TGFBR1: variants seen among roughly 807,000 people sequenced by gnomAD.
TGFBR1 encodes transforming growth factor beta receptor 1, also known as TGF-beta receptor type-1.
A neutral mutation model predicts 55.1 loss-of-function variants in TGFBR1; 20 were observed. The observed-to-expected ratio is 0.36, with a 90% CI of 0.26 to 0.53. The LOEUF (loss-of-function observed/expected upper bound fraction) is 0.53, where lower values mean the gene tolerates loss of function less well. Among genes scored for constraint, TGFBR1 ranks in the 20% least tolerant of loss-of-function variants. The pLI, the probability that TGFBR1 is intolerant of heterozygous loss-of-function variation, is 0.91. For missense variants in TGFBR1, 385 were observed against 617.6 expected (o/e 0.62, Z 3.99); for synonymous variants, 220 against 214.8 (o/e 1.02, Z -0.21).
intron 6 of TGFBR1, 88 bp from the exon 7 acceptor site, chr9:99,146,397 A>G (rs571089595): frequency 1.1e-4 from 158 of 1,420,726 alleles, no homozygotes; most frequent in African/African-American, 5.6e-5. Flanking sequence ...ACATATGTCT[A>G]TGTATAAAGA....
At chr9:99,114,856 A>C (rs1346571385) in intron 1 of TGFBR1, among the ~76,000 whole-genome samples, 1 of 152,154 alleles carries the variant, frequency 6.6e-6, no homozygotes. Context: ...AGTCAGTAAG[A>C]TCCAGAGTGT....
Position 99,151,265 on chromosome 9 carries a change from T to C in TGFBR1, c.*1960T>C, listed in dbSNP as rs201307737. On this transcript the variant is annotated 3_prime_UTR_variant, in exon 9 of 9. Transcript: ENST00000374994. ...GACTACAAAGTTGAGTTTTTTTCTG[T>C]AGTTACCATAATTTCATTGAAGCAA... The C allele has an allele frequency of 5.3e-4, 122 of 232,010 alleles. 1 individual carries two copies. In the East Asian group the frequency reaches 7.4e-3, roughly 14 times the overall value. The allele number at this position is 232,010 out of a possible 1,614,324, so 14.4% of individuals were successfully genotyped here.
chr9:99,138,031 T>C lies in TGFBR1; in HGVS notation c.747T>C (p.Tyr249=). The C allele has an allele frequency of 6.2e-7, 1 of 1,614,074 alleles. No individual in the cohort carries two copies. Among genetic ancestry groups the C allele is most frequent in the Non-Finnish European group, 8.5e-7 (1 of 1,179,964 alleles). The stretch of plus-strand genomic sequence containing the variant: ...CGTGGTTCCGTGAGGCAGAGATTTA[T>C]CAAACTGTAATGTTACGTCATGAAA... ...ERSWFREAEI[Y]QTVMLRHENI... is the part of the protein sequence containing the mutation. Residue 249 remains tyrosine, a synonymous_variant, in exon 4 of 9, where the codon TAT becomes TAC. Transcript: ENST00000374994.
chr9:99,112,517 T>C (rs917127285), intron 1 of TGFBR1, among the ~76,000 whole-genome samples: 2 of 152,238 alleles, frequency 1.3e-5, no homozygotes, highest in Non-Finnish European at 2.9e-5. Context: ...CTCCTTCCTA[T>C]CATTCTATGC....
chr9:99,111,394 C>T (rs1034150456), intron 1 of TGFBR1, among the ~76,000 whole-genome samples: 4 of 143,214 alleles, frequency 2.8e-5, no homozygotes, highest in East Asian at 4.1e-4. Flanking sequence ...TTTGGGAGGC[C>T]GAAGTGGGCG....
intron 5 of TGFBR1, 110 bp downstream of exon 5, chr9:99,142,813 C>T (rs1452566866): frequency 7.9e-7 from 1 of 1,261,020 alleles, no homozygotes; most frequent in Non-Finnish European, 1.1e-6. Context: ...AATCCCAGCA[C>T]TTTGGGAGGC....
intron 2 of TGFBR1, 58 bp downstream of exon 2, chr9:99,129,158 G>T (rs1827136481): frequency 3.8e-6 from 6 of 1,580,620 alleles, no homozygotes; most frequent in Non-Finnish European, 5.2e-6. Flanking sequence ...CATACTCTGT[G>T]ATTTTAGAAC....
intron 1 of TGFBR1, among the ~76,000 whole-genome samples, chr9:99,128,269 GC>G (rs1452705905): frequency 6.6e-6 from 1 of 152,054 alleles, no homozygotes; most frequent in East Asian, 1.9e-4. Context: ...CTAAGAGAAT[GC>G]CCCAGTCCTG....
At chr9:99,118,689 A>G (rs1483911572) in intron 1 of TGFBR1, among the ~76,000 whole-genome samples, 2 of 137,508 alleles carry the variant, frequency 1.5e-5, no homozygotes, top group South Asian at 2.2e-4. Flanking sequence ...TCTGTTGCCC[A>G]GGATGGAGTG....
intron 7 of TGFBR1, 121 bp from the exon 8 acceptor site, chr9:99,147,533 T>C (rs932022348): frequency 5.4e-6 from 5 of 934,314 alleles, no homozygotes; most frequent in African/African-American, 4.9e-5. Flanking sequence ...AGCTGTAATC[T>C]CTGTTCCACA....
At chr9:99,107,923 T>G (rs1267794705) in intron 1 of TGFBR1, among the ~76,000 whole-genome samples, 1 of 152,208 alleles carries the variant, frequency 6.6e-6, no homozygotes, top group Non-Finnish European at 1.5e-5. Flanking sequence ...GGTTTAGTTC[T>G]TGAATTCTTT....
chr9:99,141,084 A>G (rs887779175), intron 4 of TGFBR1, among the ~76,000 whole-genome samples: 2 of 152,114 alleles, frequency 1.3e-5, no homozygotes, highest in Admixed American at 6.5e-5. Context: ...CCCCTTACAT[A>G]TAACCTTCCT....
rs566663706 is a variant in TGFBR1, at chr9:99,125,419, G to A, written c.98-3436G>A. Among the ~76,000 whole-genome samples the A allele has an allele frequency of 3.3e-3, 502 of 152,250 alleles. 1 individual carries two copies. The highest frequency in any genetic ancestry group is 0.011 in the African/African-American group (468 of 41,534). ...CTGGAAATGAGAATGGAAAAACATTGCATACCTACAATTATATTTACTGCT... is the reference window on the plus strand; with the variant it reads ...CTGGAAATGAGAATGGAAAAACATTACATACCTACAATTATATTTACTGCT... On this transcript the variant is annotated intron_variant, in intron 1 of 8. Coordinates refer to ENST00000374994, the MANE Select transcript of TGFBR1 (RefSeq NM_004612.4).
At chr9:99,130,275 G>A (rs944914197) in intron 2 of TGFBR1, among the ~76,000 whole-genome samples, 2 of 152,314 alleles carry the variant, frequency 1.3e-5, no homozygotes, top group Non-Finnish European at 2.9e-5. Context: ...CAAACTCTCA[G>A]TTCCCTTTTA....
intron 1 of TGFBR1, among the ~76,000 whole-genome samples, chr9:99,109,247 TA>T (rs1826497342): frequency 6.6e-6 from 1 of 152,166 alleles, no homozygotes; most frequent in South Asian, 2.1e-4. Flanking sequence ...TAATTGCTGA[TA>T]AAAGGACCTG....
At chr9:99,138,676 A>G (rs1827514651) in intron 4 of TGFBR1, among the ~76,000 whole-genome samples, 1 of 152,216 alleles carries the variant, frequency 6.6e-6, no homozygotes, top group African/African-American at 2.4e-5. Context: ...GTCAGGTCAG[A>G]TGCTGAAGAA....
At chr9:99,135,358 C>A (rs953706083) in intron 3 of TGFBR1, among the ~76,000 whole-genome samples, 4 of 152,188 alleles carry the variant, frequency 2.6e-5, no homozygotes, top group African/African-American at 9.7e-5. Flanking sequence ...AGACTAGTGC[C>A]TGTGAATAAG....
chr9:99,146,212 T>A (rs1356712665), intron 6 of TGFBR1, among the ~76,000 whole-genome samples: 1 of 152,234 alleles, frequency 6.6e-6, no homozygotes, highest in Non-Finnish European at 1.5e-5. Context: ...TTAGGACACC[T>A]TTAACAGTCA....
chr9:99,121,337 G>C lies in TGFBR1; in HGVS notation c.98-7518G>C, dbSNP rs143694212. 2.3e-3 allele frequency among the ~76,000 whole-genome samples: 352 copies of C among 152,246 alleles called. 3 individuals are homozygous for C. Among genetic ancestry groups the C allele is most frequent in the African/African-American group, 7.8e-3 (325 of 41,544 alleles). On this transcript the variant is annotated intron_variant, in intron 1 of 8. Coordinates refer to ENST00000374994, the MANE Select transcript of TGFBR1 (RefSeq NM_004612.4). ...TTGAGGAACAAAACCTAGGATAGTA[G>C]GCTGGAGGGAATTGGAGGTCAGGGT...
Sources: gnomAD v4.1 joint callset for allele counts (sites outside exome capture counted in the v4.1 genomes callset) on GRCh38, gnomAD v4.1.1 for gene constraint, MANE v1.5 for transcripts, NCBI Gene and HGNC (gene_info 2026-07-23, HGNC 2026-07-21) for gene names.